KIFC3: variants seen among roughly 807,000 people sequenced by gnomAD.
KIFC3 encodes kinesin family member C3, also known as kinesin-like protein KIFC3.
In KIFC3, 60 loss-of-function variants were observed where a neutral mutation model predicts 101.8. The ratio of observed to expected loss-of-function variants is 0.59; its 90% CI spans 0.48 to 0.73. KIFC3 has a LOEUF of 0.73. Ranked by LOEUF, KIFC3 falls within the 30% of genes least tolerant of loss-of-function variation. The probability of loss-of-function intolerance (pLI) is 0.00; values close to 1 mark genes in which losing one functional copy is unlikely to be tolerated. For missense variants in KIFC3, 966 were observed against 1,137.1 expected (o/e 0.85, Z 2.16); for synonymous variants, 476 against 482.7 (o/e 0.99, Z 0.18).
chr16:57,770,608 C>A lies in KIFC3; in HGVS notation c.858G>T (p.Val286=), dbSNP rs782252262. 2.6e-6 allele frequency: 4 copies of A among 1,543,442 alleles called. No individual in the cohort carries two copies. Among genetic ancestry groups the A allele is most frequent in the Non-Finnish European group, 3.5e-6 (4 of 1,143,622 alleles). ...QARNQHLQEQ[V]AMQRQVLKEM... Reference sequence around the variant, plus strand: ...CCTTCAGCACCTGCCTCTGCATAGCCACCTGCTCCTGCAGGTGCTGGTTCC... The same window carrying A: ...CCTTCAGCACCTGCCTCTGCATAGCAACCTGCTCCTGCAGGTGCTGGTTCC... The change falls in exon 7 of 20, where the codon GTG becomes GTT. Residue 286 remains valine, a synonymous_variant. Transcript: ENST00000445690.
chr16:57,842,141 C>T (rs1341209299), intron 1 of KIFC3, among the ~76,000 whole-genome samples: 2 of 150,326 alleles, frequency 1.3e-5, no homozygotes, highest in African/African-American at 4.9e-5. Flanking sequence ...TGGAGGTTGC[C>T]GTGAGCTGAG....
At chr16:57,840,644 C>T (rs2055785530) in intron 1 of KIFC3, among the ~76,000 whole-genome samples, 1 of 151,640 alleles carries the variant, frequency 6.6e-6, no homozygotes, top group Non-Finnish European at 1.5e-5. Flanking sequence ...GCTGTAATCC[C>T]AGCTACTCGG....
intron 9 of KIFC3, among the ~76,000 whole-genome samples, chr16:57,767,814 A>T (rs976431903): frequency 3.9e-5 from 6 of 152,100 alleles, no homozygotes; most frequent in African/African-American, 1.4e-4. Context: ...CTGGGACTAC[A>T]GGTGCAGGCA....
intron 1 of KIFC3, among the ~76,000 whole-genome samples, chr16:57,844,312 C>G (rs2055871119): frequency 6.6e-6 from 1 of 151,852 alleles, no homozygotes; most frequent in Admixed American, 6.6e-5. Context: ...CGCCTGTAAT[C>G]CCAGCTACTC....
upstream of KIFC3, chr16:57,802,653 C>A: frequency 1.1e-6 from 1 of 932,878 alleles, no homozygotes; most frequent in Non-Finnish European, 1.4e-6. This position sits in a 1 kb window ranked among gnomAD's most constrained non-coding sequence, Gnocchi z 5.0. Flanking sequence ...CGCCGGCACT[C>A]CCACTCCCAC....
At chr16:57,779,187 G>A (rs1372945449) in intron 3 of KIFC3, among the ~76,000 whole-genome samples, 2 of 152,144 alleles carry the variant, frequency 1.3e-5, no homozygotes, top group Non-Finnish European at 2.9e-5. Flanking sequence ...GCCCATGGAT[G>A]GATGAATGGA....
At chr16:57,803,157 C>T (rs191858902), upstream of KIFC3, 12 of 888,968 alleles carry the variant, frequency 1.3e-5, no homozygotes, top group African/African-American at 1.1e-4. Flanking sequence ...AAGGAAGCTG[C>T]CTGGAGTCCC....
At chr16:57,762,700 G>C (rs554225145) in intron 12 of KIFC3, among the ~76,000 whole-genome samples, 1 of 152,118 alleles carries the variant, frequency 6.6e-6, no homozygotes, top group Non-Finnish European at 1.5e-5. Flanking sequence ...AAGGAGGAGC[G>C]GGCCAGTGTC....
chr16:57,764,832 T>G (rs1434144559), intron 11 of KIFC3, among the ~76,000 whole-genome samples: 29 of 31,048 alleles, frequency 9.3e-4, no homozygotes, highest in African/African-American at 2.0e-3. Context: ...GCCATGGGGG[T>G]GGGAGGGGCT....
chr16:57,837,805 G>A (rs1355567274), intron 1 of KIFC3, among the ~76,000 whole-genome samples: 3 of 152,134 alleles, frequency 2.0e-5, no homozygotes, highest in East Asian at 1.9e-4. Flanking sequence ...AGAAAACCCC[G>A]TCTGAGAACA....
chr16:57,813,724 G>A (rs2055149191), intron 1 of KIFC3: 1 of 922,070 alleles, frequency 1.1e-6, no homozygotes, highest in African/African-American at 2.1e-5. Context: ...CACCACTCAT[G>A]CAGGTGGGCT....
chr16:57,790,525 G>A (rs1555619895), intron 3 of KIFC3, among the ~76,000 whole-genome samples: 2 of 151,984 alleles, frequency 1.3e-5, no homozygotes, highest in South Asian at 2.1e-4. Context: ...AAATAAACAC[G>A]TAGTCTAGAG....
At chr16:57,807,364 G>C (rs991255112), upstream of KIFC3, among the ~76,000 whole-genome samples, 19 of 152,130 alleles carry the variant, frequency 1.2e-4, no homozygotes, top group Admixed American at 5.9e-4. Flanking sequence ...GAGCACCTCA[G>C]GGGGTCTGGC....
chr16:57,858,455 C>A (rs553062823), intron 1 of KIFC3, among the ~76,000 whole-genome samples: 1 of 152,186 alleles, frequency 6.6e-6, no homozygotes, highest in African/African-American at 2.4e-5. Context: ...AGAAAGATAT[C>A]CAATATAAGG....
intron 1 of KIFC3, among the ~76,000 whole-genome samples, chr16:57,844,392 T>C (rs1428904174): frequency 7.0e-6 from 1 of 143,564 alleles, no homozygotes; most frequent in African/African-American, 2.6e-5. Context: ...ATCTTGCCAT[T>C]GCACTTCAGC....
At chr16:57,764,088 C>A in intron 12 of KIFC3, 55 bp downstream of exon 12, 1 of 1,256,842 alleles carries the variant, frequency 8.0e-7, no homozygotes, top group South Asian at 1.2e-5. Flanking sequence ...AATGAGGGAG[C>A]CCGCATTCCC....
chr16:57,798,149 A>G lies in KIFC3; in HGVS notation c.95T>C (p.Met32Thr). Residue 32 changes from methionine to threonine, a missense_variant, in exon 2 of 20, where the codon ATG (methionine) becomes ACG (threonine). By Grantham distance (81) the Met-to-Thr change is moderately conservative. This residue lies in a region of KIFC3 where 277 missense variants were observed against 252.5 expected (regional missense o/e 1.10). Coordinates refer to ENST00000445690, the MANE Select transcript of KIFC3 (RefSeq NM_001130100.2). ...VGRAPEPEPG[M>T]ARPAPAPASP... Reference sequence around the variant, plus strand: ...GGCTGGGGCTGGGGCGGGGCGAGCCATCCCCGGCTCGGGCTCCGGGGCCCG... The same window carrying G: ...GGCTGGGGCTGGGGCGGGGCGAGCCGTCCCCGGCTCGGGCTCCGGGGCCCG... The G allele has an allele frequency of 6.5e-7, 1 of 1,548,954 alleles. No homozygotes were observed. Among genetic ancestry groups the G allele is most frequent in the Non-Finnish European group, 8.7e-7 (1 of 1,147,228 alleles).
chr16:57,767,058 G>T, intron 9 of KIFC3, 73 bp from the exon 10 acceptor site: 1 of 1,236,812 alleles, frequency 8.1e-7, no homozygotes, highest in Non-Finnish European at 1.2e-6. Context: ...CCACCCCTGA[G>T]GGGTGCTCAC....
chr16:57,861,571 A>C (rs562495493), intron 1 of KIFC3, among the ~76,000 whole-genome samples: 1 of 152,318 alleles, frequency 6.6e-6, no homozygotes, highest in South Asian at 2.1e-4. Context: ...AGGACCGTGG[A>C]CCCAGCGTCC....
Sources: gnomAD v4.1 joint callset for allele counts (sites outside exome capture counted in the v4.1 genomes callset) on GRCh38, gnomAD v4.1.1 for gene constraint, gnomAD v4.1.1 regional missense constraint, Gnocchi (gnomAD v3.1) non-coding constraint, MANE v1.5 for transcripts, NCBI Gene and HGNC (gene_info 2026-07-23, HGNC 2026-07-21) for gene names.